Variants in CRACD observed in about 807,000 individuals in gnomAD.
The protein encoded by CRACD is capping protein inhibiting regulator of actin dynamics, also known as capping protein-inhibiting regulator of actin dynamics.
In CRACD, 56 loss-of-function variants were observed where a neutral mutation model predicts 106.8. That is an observed-to-expected ratio of 0.52 (90% CI 0.42 to 0.66). CRACD has a LOEUF of 0.66. Among genes scored for constraint, CRACD ranks in the 30% least tolerant of loss-of-function variants. The probability of loss-of-function intolerance (pLI) is 0.00; values close to 1 mark genes in which losing one functional copy is unlikely to be tolerated. For synonymous variants in CRACD, 754 were observed against 670.8 expected (o/e 1.12, Z -1.92); for missense variants, 1,730 against 1,623.2 (o/e 1.07, Z -1.13).
intron 1 of CRACD, among the ~76,000 whole-genome samples, chr4:56,052,938 C>T (rs753024620): frequency 1.6e-4 from 24 of 152,162 alleles, no homozygotes; most frequent in Admixed American, 1.2e-3. Flanking sequence ...TGAAATGACT[C>T]ATTTCAAGTC....
intron 2 of CRACD, among the ~76,000 whole-genome samples, chr4:56,218,607 CTCTTTTCTT>C (rs904935322): frequency 4.0e-5 from 6 of 149,858 alleles, no homozygotes; most frequent in African/African-American, 1.5e-4. Context: ...CTTCCCTTCC[CTCTTTTCTT>C]TCTTTTCTTT....
intron 5 of CRACD, 81 bp from the exon 6 acceptor site, chr4:56,310,585 C>A: frequency 1.0e-6 from 1 of 1,001,782 alleles, no homozygotes; most frequent in South Asian, 1.3e-5. Context: ...GGTGACCCTA[C>A]CCAGGCACAG....
chr4:56,149,596 A>C (rs1735515395), intron 1 of CRACD, among the ~76,000 whole-genome samples: 1 of 152,242 alleles, frequency 6.6e-6, no homozygotes, highest in Admixed American at 6.5e-5. Flanking sequence ...GGGGGAGAGC[A>C]CATTGTATAA....
At chr4:56,145,563 T>G (rs1296165136) in intron 1 of CRACD, among the ~76,000 whole-genome samples, 1 of 152,120 alleles carries the variant, frequency 6.6e-6, no homozygotes, top group Non-Finnish European at 1.5e-5. Context: ...TAAATCTCTT[T>G]GTTTTCTAAT....
chr4:56,216,116 A>G (rs1040786854), intron 2 of CRACD: 3 of 152,174 alleles, frequency 2.0e-5, no homozygotes, highest in African/African-American at 4.8e-5. Flanking sequence ...CAATTGTAAA[A>G]GAGAAATGCG....
intron 1 of CRACD, among the ~76,000 whole-genome samples, chr4:56,102,915 G>A (rs1483386157): frequency 6.6e-6 from 1 of 152,132 alleles, no homozygotes; most frequent in African/African-American, 2.4e-5. Flanking sequence ...CTTTCTCAGT[G>A]AAGCCTTTCT....
chr4:56,223,892 G>A (rs536609752), intron 2 of CRACD, among the ~76,000 whole-genome samples: 10 of 152,242 alleles, frequency 6.6e-5, no homozygotes, highest in African/African-American at 2.2e-4. Flanking sequence ...CCAAGTAGCT[G>A]GGACTACAGG....
At chr4:56,227,008 G>A (rs559962588) in intron 2 of CRACD, among the ~76,000 whole-genome samples, 1 of 151,776 alleles carries the variant, frequency 6.6e-6, no homozygotes, top group South Asian at 2.1e-4. Context: ...CAGAAGCCAA[G>A]CAGATACTGG....
rs1737390584 is a variant in CRACD, at chr4:56,192,011, C to T, written c.-189+12581C>T. On this transcript the variant is annotated intron_variant, in intron 2 of 10. Transcript: ENST00000682029. ...AATTATTTTCTGTCAAAATCAAGAC[C>T]TTTTAAACTGTATATAAATATGAAC... Among the ~76,000 whole-genome samples the T allele has an allele frequency of 3.3e-5, 5 of 152,230 alleles. No individual in the cohort carries two copies. In the South Asian group the frequency reaches 1.0e-3, roughly 32 times the overall value.
intron 3 of CRACD, among the ~76,000 whole-genome samples, chr4:56,292,032 A>G (rs1180827819): frequency 6.6e-6 from 1 of 152,224 alleles, no homozygotes; most frequent in Non-Finnish European, 1.5e-5. Flanking sequence ...AATACTTGTG[A>G]CTAAAAATGC....
chr4:56,141,863 A>T (rs1043721144), intron 1 of CRACD, among the ~76,000 whole-genome samples: 3 of 150,210 alleles, frequency 2.0e-5, no homozygotes, highest in African/African-American at 4.9e-5. Context: ...TGGCTAGTTT[A>T]AAAAAAAATT....
chr4:56,201,595 C>T (rs1382907002), intron 2 of CRACD, among the ~76,000 whole-genome samples: 1 of 151,972 alleles, frequency 6.6e-6, no homozygotes, highest in Non-Finnish European at 1.5e-5. Context: ...AATGCATTTA[C>T]GGAAGTTTCA....
At chr4:56,244,714 G>T (rs1740583441) in intron 2 of CRACD, among the ~76,000 whole-genome samples, 1 of 152,200 alleles carries the variant, frequency 6.6e-6, no homozygotes, top group African/African-American at 2.4e-5. Flanking sequence ...TGATGAAAGG[G>T]TTAATACCTG....
At chr4:56,127,849 C>G (rs1734708480) in intron 1 of CRACD, among the ~76,000 whole-genome samples, 1 of 152,166 alleles carries the variant, frequency 6.6e-6, no homozygotes, top group Non-Finnish European at 1.5e-5. Flanking sequence ...TGGAAAGCCT[C>G]ATTAAATCTC....
At chr4:56,317,793 C>T (rs933347207) in intron 8 of CRACD, among the ~76,000 whole-genome samples, 3 of 150,510 alleles carry the variant, frequency 2.0e-5, no homozygotes, top group African/African-American at 7.4e-5. Flanking sequence ...CTGCAGAGCC[C>T]TCCTACAAAG....
chr4:56,302,708 C>G (rs1744436334), intron 4 of CRACD, among the ~76,000 whole-genome samples: 1 of 152,094 alleles, frequency 6.6e-6, no homozygotes, highest in South Asian at 2.1e-4. Flanking sequence ...CTCAAAAAGA[C>G]AGCAACTTTA....
rs80299972 is a variant in CRACD at position 56,076,777 on chromosome 4, G to A, written c.-336+27478G>A. Among the ~76,000 whole-genome samples, 872 of 152,262 alleles carry A rather than the reference G, an allele frequency of 5.7e-3. 9 individuals are homozygous for A. The highest frequency in any genetic ancestry group is 0.02 in the African/African-American group (818 of 41,546). On this transcript the variant is annotated intron_variant, in intron 1 of 10. Coordinates refer to ENST00000682029, the MANE Select transcript of CRACD (RefSeq NM_001393381.1). ...ACTGTGATTGCCTGTTTTATTGTCT[G>A]TTTCCTTTGTCAGACTGGAAGCTTT...
chr4:56,075,699 A>AT (rs1732816907), intron 1 of CRACD, among the ~76,000 whole-genome samples: 2 of 152,186 alleles, frequency 1.3e-5, no homozygotes, highest in Non-Finnish European at 2.9e-5. Context: ...TATTCTGGAC[A>AT]TTTTATATAA....
chr4:56,148,435 T>A (rs889497626), intron 1 of CRACD, among the ~76,000 whole-genome samples: 1 of 151,812 alleles, frequency 6.6e-6, no homozygotes, highest in Non-Finnish European at 1.5e-5. Context: ...GGACTACAGG[T>A]GTGTATCGCC....
Sources: gnomAD v4.1 joint callset for allele counts (sites outside exome capture counted in the v4.1 genomes callset) on GRCh38, gnomAD v4.1.1 for gene constraint, MANE v1.5 for transcripts, NCBI Gene and HGNC (gene_info 2026-07-23, HGNC 2026-07-21) for gene names.